XRCC3: variants seen among roughly 807,000 people sequenced by gnomAD.
XRCC3 encodes the protein DNA repair protein XRCC3.
In XRCC3, 34 loss-of-function variants were observed where a neutral mutation model predicts 29.2. That is an observed-to-expected ratio of 1.16 (90% CI 0.88 to 1.55). The LOEUF (loss-of-function observed/expected upper bound fraction) is 1.55. Among genes scored for constraint, XRCC3 ranks in the 40% most tolerant of loss-of-function variants. XRCC3 has a pLI of 0.00. For missense variants in XRCC3, 463 were observed against 467.6 expected (o/e 0.99, Z 0.09); for synonymous variants, 223 against 211.3 (o/e 1.06, Z -0.48).
intron 6 of XRCC3, chr14:103,706,094 G>A (rs1279178280): frequency 2.9e-6 from 1 of 342,856 alleles, no homozygotes; most frequent in Non-Finnish European, 5.8e-6. Context: ...TGGGCTCTCA[G>A]GAGACCCCTC....
At chr14:103,712,022 C>T (rs2083650604) in intron 2 of XRCC3, 1 of 343,094 alleles carries the variant, frequency 2.9e-6, no homozygotes, top group African/African-American at 2.1e-5. Context: ...GAAGGTTTTC[C>T]CTTGGACCAC....
chr14:103,704,401 ATTTATT>A (rs915194551), intron 6 of XRCC3: 4 of 151,932 alleles, frequency 2.6e-5, no homozygotes, highest in African/African-American at 9.7e-5. Flanking sequence ...CACTGAATTT[ATTTATT>A]TTATTTTAAT....
At position 103,707,000 on chromosome 14, in the gene XRCC3, C is replaced by A; in HGVS notation, c.406+3G>T. On this transcript the variant is annotated splice_donor_region_variant and intron_variant, in intron 6 of 9. Transcript: ENST00000555055. ...AGACCCCACGGAAGGGGTGGCCACT[C>A]ACCAGCCTCCAGGCCTCCGTGCTGC... is the stretch of plus-strand genomic sequence containing the variant. 1 of 1,550,724 alleles carries A rather than the reference C, an allele frequency of 6.4e-7. No homozygotes were observed. The highest frequency in any genetic ancestry group is 1.2e-5 in the South Asian group (1 of 84,782).
rs562365497 is a variant in XRCC3 at position 103,701,379 on chromosome 14, G to A, written c.561+1794C>T. On this transcript the variant is annotated intron_variant, in intron 7 of 9. Coordinates refer to ENST00000555055, the MANE Select transcript of XRCC3 (RefSeq NM_005432.4). ...ACCACACGGCTGGCGTGACCTTGGG[G>A]CTGGGGCTGGGCCTAAGCTGGTGCC... 7.9e-6 allele frequency: 5 copies of A among 629,016 alleles called. No individual in the cohort carries two copies. The East Asian group carries it at 1.2e-4, about 15-fold the overall frequency. 39.0% of individuals were successfully genotyped at this position (629,016 alleles called of 1,614,324 possible). A position where few individuals can be genotyped will look rare whatever the true frequency, so the allele number is the denominator to read the frequency against.
At chr14:103,709,165 C>T in intron 4 of XRCC3, 1 of 273,532 alleles carries the variant, frequency 3.7e-6, no homozygotes, top group Non-Finnish European at 7.2e-6. Flanking sequence ...GTCCAAACGC[C>T]AGCTGCGCAG....
At chr14:103,712,396 C>T in intron 2 of XRCC3, 1 of 153,120 alleles carries the variant, frequency 6.5e-6, no homozygotes. Flanking sequence ...GCAGAGCTGG[C>T]CAGAGTGAGG....
intron 1 of XRCC3, chr14:103,714,011 C>T (rs532815308): frequency 1.3e-5 from 2 of 152,320 alleles, no homozygotes; most frequent in African/African-American, 4.8e-5. Context: ...TCCACTGCTA[C>T]CAAGGCAAAC....
chr14:103,710,853 AACACACACACACACACACAC>A lies in XRCC3; in HGVS notation c.55+160_55+179del. 1.2e-5 allele frequency: 7 copies of A among 562,766 alleles called. No individual in the cohort carries two copies. The South Asian group carries it at 1.6e-4, about 13-fold the overall frequency. The allele number at this position is 562,766 out of a possible 1,614,324, so 34.9% of individuals were successfully genotyped here. A position where few individuals can be genotyped will look rare whatever the true frequency, so the allele number is the denominator to read the frequency against. ...ACTGAAAGAAATCCATGTAGTTAAG[AACACACACACACACACACAC>A]ACACACACACCTGAAAATCCCATAG... is the stretch of plus-strand genomic sequence containing the variant. On this transcript the variant is annotated intron_variant, in intron 4 of 9. Coordinates refer to ENST00000555055, the MANE Select transcript of XRCC3 (RefSeq NM_005432.4).
intron 4 of XRCC3, 106 bp downstream of exon 4, chr14:103,710,927 G>T: frequency 3.6e-6 from 4 of 1,104,538 alleles, no homozygotes; most frequent in Non-Finnish European, 4.1e-6. Flanking sequence ...TAATAATCAG[G>T]GTAGGCAAAG....
chr14:103,710,853 AACACAC>A (rs71126055), intron 4 of XRCC3, 174 bp downstream of exon 4: 354 of 561,288 alleles, frequency 6.3e-4, no homozygotes, highest in African/African-American at 8.6e-4. Flanking sequence ...TGTAGTTAAG[AACACAC>A]ACACACACAC....
chr14:103,701,146 A>G lies in XRCC3; in HGVS notation c.562-1570T>C, dbSNP rs371755597. On this transcript the variant is annotated intron_variant, in intron 7 of 9. Coordinates refer to ENST00000555055, the MANE Select transcript of XRCC3 (RefSeq NM_005432.4). ...GAGAGCTGTTTCCAGAACAGAACTT[A>G]GTAACACTGTCAGGTTTTGGCGGCC... The G allele has an allele frequency of 7.8e-6, 12 of 1,546,970 alleles. No homozygotes were observed. In the African/African-American group the frequency reaches 8.2e-5, roughly 11 times the overall value.
chr14:103,705,025 C>T (rs2083384726), intron 6 of XRCC3: 1 of 152,206 alleles, frequency 6.6e-6, no homozygotes. Flanking sequence ...TAATTCTGAG[C>T]TGATTTTGCT....
intron 6 of XRCC3, chr14:103,703,672 C>T (rs996621034): frequency 3.7e-5 from 14 of 374,082 alleles, no homozygotes. Context: ...CCGTTCCCCA[C>T]TGCAGGGCAG....
Position 103,699,504 on chromosome 14 carries a change from T to C in XRCC3, c.634A>G (p.Ile212Val). 6.2e-7 allele frequency: 1 copy of C among 1,613,008 alleles called. No individual in the cohort carries two copies. Among genetic ancestry groups the C allele is most frequent in the African/African-American group, 1.3e-5 (1 of 74,982 alleles). ...LSRGMARLVV[I>V]DSVAAPFRCE... ...CGGAATGGGGCTGCCACCGAGTCGA[T>C]GACCACCAGGCGAGCCATGCCCCGA... is the stretch of plus-strand genomic sequence containing the variant. Residue 212 changes from isoleucine (I) to valine (V), a missense_variant, in exon 8 of 10, where the codon ATC (isoleucine) becomes GTC (valine). By Grantham distance (29) the Ile-to-Val change is conservative. Transcript: ENST00000555055.
At chr14:103,706,437 AAAGTT>A (rs1171309785) in intron 6 of XRCC3, 1 of 455,816 alleles carries the variant, frequency 2.2e-6, no homozygotes, top group Non-Finnish European at 4.4e-6. Context: ...AATTAGTTTA[AAAGTT>A]AAGGAGCTAC....
In XRCC3 at chr14:103,711,193, C is replaced by T. The variant is rs1461459513; in HGVS notation, c.-106G>A. The T allele has an allele frequency of 4.7e-6, 6 of 1,288,780 alleles. No homozygotes were observed. Among genetic ancestry groups the T allele is most frequent in the South Asian group, 1.2e-5 (1 of 82,284 alleles). 79.8% of individuals were successfully genotyped at this position (1,288,780 alleles called of 1,614,324 possible). A position where few individuals can be genotyped will look rare whatever the true frequency, so the allele number is the denominator to read the frequency against. On this transcript the variant is annotated 5_prime_UTR_variant, in exon 4 of 10. Coordinates refer to ENST00000555055, the MANE Select transcript of XRCC3 (RefSeq NM_005432.4). The stretch of plus-strand genomic sequence containing the variant: ...TTCAATTCAAAGCCTGTGGGAGGCC[C>T]GAACCAGGGAAGTGACAGCAGCCGA...
chr14:103,701,222 C>T (rs1595646126), intron 7 of XRCC3: 1 of 1,550,490 alleles, frequency 6.4e-7, no homozygotes, highest in East Asian at 2.4e-5. Flanking sequence ...TGGCCCCGCT[C>T]CAGGATGGGA....
intron 7 of XRCC3, chr14:103,700,179 G>T (rs898272921): frequency 5.0e-6 from 1 of 200,170 alleles, no homozygotes; most frequent in African/African-American, 2.3e-5. Flanking sequence ...TGGGGCTGTA[G>T]GTTGAGACAC....
chr14:103,699,366 G>A lies in XRCC3; in HGVS notation c.772C>T (p.Gln258Ter). Reference protein sequence around the residue: ...AFQSPVLCINQVTEAMEEQGA... With the variant: ...AFQSPVLCIN ...TGCAACCCTGCCTTGGTGCTCACCT[G>A]GTTGATGCACAGCACAGGGCTCTGG... Residue 258 changes from glutamine (Q) to a stop codon, truncating the protein, a stop_gained and splice_region_variant, in exon 8 of 10, where the codon CAG becomes TAG. Transcript: ENST00000555055. LOFTEE classifies it low-confidence loss of function (END_TRUNC). 7 of 1,604,776 alleles carry A rather than the reference G, an allele frequency of 4.4e-6. No homozygotes were observed. Among genetic ancestry groups the A allele is most frequent in the Non-Finnish European group, 5.9e-6 (7 of 1,176,530 alleles).
Sources: gnomAD v4.1 joint callset for allele counts on GRCh38, gnomAD v4.1.1 for gene constraint, MANE v1.5 for transcripts, NCBI Gene and HGNC (gene_info 2026-07-23, HGNC 2026-07-21) for gene names.